AADACL4: variants seen among roughly 807,000 people sequenced by gnomAD.
The protein encoded by AADACL4 is arylacetamide deacetylase-like 4.
In AADACL4, 9 loss-of-function variants were observed where a neutral mutation model predicts 14.1. The ratio of observed to expected loss-of-function variants is 0.64; its 90% CI spans 0.39 to 1.12. AADACL4 has a LOEUF of 1.12. Among genes scored for constraint, AADACL4 ranks in the 50% most tolerant of loss-of-function variants. The pLI is 0.01. For synonymous variants in AADACL4, 188 were observed against 201.6 expected (o/e 0.93, Z 0.57); for missense variants, 531 against 516.1 (o/e 1.03, Z -0.28).
Position 12,647,090 on chromosome 1 carries a change from ATTTTTTT to A in AADACL4, c.168+2389_168+2395del, listed in dbSNP as rs201579516. Among the ~76,000 whole-genome samples the A allele has an allele frequency of 1.5e-3, 199 of 128,794 alleles. 1 individual carries two copies. The highest frequency in any genetic ancestry group is 2.1e-3 in the Non-Finnish European group (127 of 60,388). The allele number at this position is 128,794 out of a possible 152,430, so 84.5% of individuals were successfully genotyped here. A position where few individuals can be genotyped will look rare whatever the true frequency, so the allele number is the denominator to read the frequency against. ...TTATTTTCTTCTCTGAAAAGTGAGG[ATTTTTTT>A]TTTTTTTTTTTTCTGAGACAGGGTC... is the stretch of plus-strand genomic sequence containing the variant. On this transcript the variant is annotated intron_variant, in intron 1 of 3. Transcript: ENST00000376221.
At chr1:12,651,385 A>C (rs989714178) in intron 2 of AADACL4, 46 bp downstream of exon 2, 2 of 1,591,276 alleles carry the variant, frequency 1.3e-6, no homozygotes, top group African/African-American at 1.3e-5. Context: ...CCTCATCTGC[A>C]TGCATAGCCT....
In AADACL4 at chr1:12,666,119, C is replaced by A; in HGVS notation, c.608C>A (p.Thr203Asn). The stretch of plus-strand genomic sequence containing the variant: ...GGAGGTGCAGCGGTGGCCGCCATCA[C>A]CCAGGCCTTGGTGGGCAGATCAGAT... ...SVGGAAVAAITQALVGRSDLP... is the reference protein window; with the variant it reads ...SVGGAAVAAINQALVGRSDLP... The change falls in exon 4 of 4, where the codon ACC (threonine) becomes AAC (asparagine). Residue 203 changes from threonine to asparagine, a missense_variant. Physicochemically the swap from Thr to Asn is moderately conservative, Grantham distance 65. Coordinates refer to ENST00000376221, the MANE Select transcript of AADACL4 (RefSeq NM_001013630.2). The A allele has an allele frequency of 1.2e-6, 2 of 1,614,258 alleles. No homozygotes were observed. Among genetic ancestry groups the A allele is most frequent in the Non-Finnish European group, 1.7e-6 (2 of 1,180,042 alleles).
chr1:12,651,265 C>A lies in AADACL4; in HGVS notation c.311C>A (p.Pro104Gln). The change falls in exon 2 of 4, where the codon CCG becomes CAG. Residue 104 changes from proline to glutamine, a missense_variant. Pro to Gln is a moderately conservative substitution (Grantham distance 76). Coordinates refer to ENST00000376221, the MANE Select transcript of AADACL4 (RefSeq NM_001013630.2). ...ACGATACCCGTGAGGCTGTTCCAGCCGAAGGCAGCATCCTCCAGACCCCGG... is the reference window on the plus strand; with the variant it reads ...ACGATACCCGTGAGGCTGTTCCAGCAGAAGGCAGCATCCTCCAGACCCCGG... ...FGTIPVRLFQ[P>Q]KAASSRPRRG... 6.2e-7 allele frequency: 1 copy of A among 1,614,166 alleles called. No individual in the cohort carries two copies. Among genetic ancestry groups the A allele is most frequent in the Non-Finnish European group, 8.5e-7 (1 of 1,180,050 alleles).
intron 2 of AADACL4, among the ~76,000 whole-genome samples, chr1:12,661,397 C>A (rs139923484): frequency 1.5e-3 from 233 of 152,320 alleles, no homozygotes; most frequent in African/African-American, 5.4e-3. Flanking sequence ...CCACTCTACT[C>A]ATAGAAACAT....
chr1:12,644,675 G>A lies in AADACL4; in HGVS notation c.129G>A (p.Leu43=), dbSNP rs1206706585. The A allele has an allele frequency of 2.5e-6, 4 of 1,614,134 alleles. No individual in the cohort carries two copies. The South Asian group carries it at 4.4e-5, about 18-fold the overall frequency. The change falls in exon 1 of 4, where the codon TTG becomes TTA. Residue 43 remains leucine (L), a synonymous_variant. Transcript: ENST00000376221. ...CTACCTTGCAGCATCCTGCCAAGTT[G>A]AGATTCCTGCATTGCATATTCCTCT... The part of the protein sequence containing the change: ...IPATLQHPAK[L]RFLHCIFLYL...
chr1:12,650,958 AC>A (rs1309205803), intron 1 of AADACL4, among the ~76,000 whole-genome samples, 164 bp from the exon 2 acceptor site: 1 of 152,160 alleles, frequency 6.6e-6, no homozygotes, highest in African/African-American at 2.4e-5. Flanking sequence ...CCAGCCCTCT[AC>A]CTGGACACAG....
At chr1:12,654,574 C>T (rs1647169468) in intron 2 of AADACL4, among the ~76,000 whole-genome samples, 1 of 152,070 alleles carries the variant, frequency 6.6e-6, no homozygotes, top group Non-Finnish European at 1.5e-5. Flanking sequence ...GATAGAGTGG[C>T]TCATTTATTG....
intron 1 of AADACL4, among the ~76,000 whole-genome samples, chr1:12,650,082 A>G (rs919703223): frequency 3.9e-5 from 6 of 152,228 alleles, no homozygotes; most frequent in African/African-American, 1.4e-4. Context: ...CAGTACTGAC[A>G]CATTGTAAAT....
At chr1:12,657,144 A>C (rs1225731662) in intron 2 of AADACL4, among the ~76,000 whole-genome samples, 1 of 148,060 alleles carries the variant, frequency 6.8e-6, no homozygotes, top group Non-Finnish European at 1.5e-5. Context: ...CTGTCTCAAA[A>C]AAAAAAAAAA....
rs775999994 is a variant in AADACL4 at position 12,651,229 on chromosome 1, T to G, written c.275T>G (p.Leu92Arg). Residue 92 changes from leucine (L) to arginine (R), a missense_variant, in exon 2 of 4, where the codon CTG (leucine) becomes CGG (arginine). Physicochemically the swap from Leu to Arg is moderately radical, Grantham distance 102. Transcript: ENST00000376221. ...KKDPELVVTD[L>R]RFGTIPVRLF... is the part of the protein sequence containing the mutation. ...GACCCTGAACTTGTGGTGACCGACCTGCGTTTTGGGACGATACCCGTGAGG... is the reference window on the plus strand; with the variant it reads ...GACCCTGAACTTGTGGTGACCGACCGGCGTTTTGGGACGATACCCGTGAGG... 4 of 1,614,236 alleles carry G rather than the reference T, an allele frequency of 2.5e-6. No individual in the cohort carries two copies.
At chr1:12,659,205 T>G (rs960204791) in intron 2 of AADACL4, among the ~76,000 whole-genome samples, 3 of 152,138 alleles carry the variant, frequency 2.0e-5, no homozygotes, top group African/African-American at 7.2e-5. Context: ...CTGGATCTGT[T>G]GTCATGGGAA....
intron 3 of AADACL4, among the ~76,000 whole-genome samples, chr1:12,665,286 G>A (rs1037975291): frequency 5.3e-5 from 8 of 152,134 alleles, no homozygotes; most frequent in South Asian, 2.1e-4. Flanking sequence ...GCAGTGGCTC[G>A]ATCTAGGCTC....
Position 12,666,497 on chromosome 1 carries a change from ATGATGAGG to A in AADACL4, c.988_995del (p.Asp330HisfsTer6), listed in dbSNP as rs1557554239. Reference sequence around the variant, plus strand: ...GTAGAAAATTCACCCCTGATAGCAGATGATGAGGTCATCGCTCAGCTTCCTGAGGCCTT... The same window carrying A: ...GTAGAAAATTCACCCCTGATAGCAGATCATCGCTCAGCTTCCTGAGGCCTT... On this transcript the variant is annotated frameshift_variant, in exon 4 of 4. Transcript: ENST00000376221. LOFTEE classifies it low-confidence loss of function (END_TRUNC). 1.9e-6 allele frequency: 3 copies of A among 1,614,086 alleles called. No individual in the cohort carries two copies. The South Asian group carries it at 3.3e-5, about 18-fold the overall frequency.
At chr1:12,645,419 A>C (rs1647105584) in intron 1 of AADACL4, among the ~76,000 whole-genome samples, 1 of 151,940 alleles carries the variant, frequency 6.6e-6, no homozygotes, top group East Asian at 1.9e-4. Flanking sequence ...TTTTCTGAGA[A>C]TTCAAAAACA....
At chr1:12,658,140 CTT>C (rs1491521456) in intron 2 of AADACL4, among the ~76,000 whole-genome samples, 2 of 116,250 alleles carry the variant, frequency 1.7e-5, no homozygotes, top group Non-Finnish European at 3.3e-5. Flanking sequence ...TCCTTCCTTC[CTT>C]TCTTTCTTTC....
intron 3 of AADACL4, among the ~76,000 whole-genome samples, chr1:12,663,861 C>A (rs141606587): frequency 1.4e-3 from 212 of 152,200 alleles, no homozygotes; most frequent in African/African-American, 4.5e-3. Flanking sequence ...TAAATAGGAA[C>A]CTGCTTCGAT....
At chr1:12,654,287 A>T (rs1194277792) in intron 2 of AADACL4, among the ~76,000 whole-genome samples, 1 of 152,206 alleles carries the variant, frequency 6.6e-6, no homozygotes, top group Non-Finnish European at 1.5e-5. Context: ...ATCTGCCTGG[A>T]ACCAGGAGGC....
intron 2 of AADACL4, among the ~76,000 whole-genome samples, chr1:12,658,787 C>CCCGTGCA (rs1647204380): frequency 6.6e-6 from 1 of 151,940 alleles, no homozygotes; most frequent in African/African-American, 2.4e-5. Flanking sequence ...TGCCCTGCAC[C>CCCGTGCA]CTGGTCTCCA....
At chr1:12,660,346 G>A (rs1647216691) in intron 2 of AADACL4, among the ~76,000 whole-genome samples, 1 of 152,206 alleles carries the variant, frequency 6.6e-6, no homozygotes, top group South Asian at 2.1e-4. Context: ...CTGTATGGCT[G>A]AGTGTTGTGG....
Sources: gnomAD v4.1 joint callset for allele counts (sites outside exome capture counted in the v4.1 genomes callset) on GRCh38, gnomAD v4.1.1 for gene constraint, MANE v1.5 for transcripts, NCBI Gene and HGNC (gene_info 2026-07-23, HGNC 2026-07-21) for gene names.